The following ERC2 variants were observed in gnomAD, a reference collection of about 807,000 sequenced individuals.
The protein encoded by ERC2 is ERC protein 2.
A neutral mutation model predicts 114.8 loss-of-function variants in ERC2; 42 were observed. The observed-to-expected ratio is 0.37, with a 90% CI of 0.29 to 0.47. ERC2 has a LOEUF of 0.47. Among genes scored for constraint, ERC2 ranks in the 20% least tolerant of loss-of-function variants. The pLI, the probability that ERC2 is intolerant of heterozygous loss-of-function variation, is 0.99. For missense variants in ERC2, 939 were observed against 1,150.7 expected, an observed-to-expected ratio of 0.82 and a Z score of 2.66; for synonymous variants, 454 against 425.5, an observed-to-expected ratio of 1.07 and a Z score of -0.82.
intron 15 of ERC2, among the ~76,000 whole-genome samples, chr3:55,706,875 C>T (rs2063518668): frequency 2.6e-5 from 4 of 152,166 alleles, no homozygotes; most frequent in Admixed American, 2.6e-4. Flanking sequence ...ACAGAACTCT[C>T]ACCTTCCTTA....
chr3:56,214,269 T>C (rs2049292281), intron 3 of ERC2, among the ~76,000 whole-genome samples: 1 of 151,946 alleles, frequency 6.6e-6, no homozygotes, highest in Non-Finnish European at 1.5e-5. Context: ...AATGGATAAC[T>C]AGAATAACCA....
Position 55,779,247 on chromosome 3 carries a change from C to G in ERC2, c.2565-44329G>C, listed in dbSNP as rs966482214. Among the ~76,000 whole-genome samples the G allele has an allele frequency of 2.7e-5, 4 of 148,202 alleles. No individual in the cohort carries two copies. The East Asian group carries it at 6.0e-4, about 22-fold the overall frequency. On this transcript the variant is annotated intron_variant, in intron 14 of 17. Transcript: ENST00000288221. ...CTGTAATCCTAGCACTTTGGGAGGC[C>G]GAGGAGGGTGGATCACTTGAGGTCA...
At chr3:55,931,465 A>C (rs1027344424) in intron 13 of ERC2, among the ~76,000 whole-genome samples, 9 of 152,206 alleles carry the variant, frequency 5.9e-5, no homozygotes, top group African/African-American at 2.2e-4. Context: ...ACATGGATGA[A>C]GCTGGAAACG....
At chr3:56,343,352 A>G (rs1035130615) in intron 2 of ERC2, among the ~76,000 whole-genome samples, 1 of 152,056 alleles carries the variant, frequency 6.6e-6, no homozygotes, top group African/African-American at 2.4e-5. Context: ...CTACACCAAA[A>G]TAAGCACTTA....
At chr3:56,209,866 A>T (rs372670260) in intron 3 of ERC2, among the ~76,000 whole-genome samples, 1 of 152,198 alleles carries the variant, frequency 6.6e-6, no homozygotes, top group Non-Finnish European at 1.5e-5. Flanking sequence ...CACAGCATTC[A>T]GTCCCTTCAG....
intron 16 of ERC2, among the ~76,000 whole-genome samples, chr3:55,688,827 C>T (rs1353332572): frequency 3.3e-5 from 5 of 152,214 alleles, no homozygotes; most frequent in Admixed American, 6.5e-5. Context: ...GCTCAGTTCT[C>T]ACTGTTTTGA....
At chr3:55,680,615 A>G (rs909824382) in intron 17 of ERC2, among the ~76,000 whole-genome samples, 2 of 152,196 alleles carry the variant, frequency 1.3e-5, no homozygotes, top group East Asian at 1.9e-4. Flanking sequence ...CATTTTCACA[A>G]TTGAAAGTAT....
At chr3:56,397,826 T>C (rs2060368475) in intron 2 of ERC2, among the ~76,000 whole-genome samples, 2 of 152,248 alleles carry the variant, frequency 1.3e-5, no homozygotes, top group African/African-American at 4.8e-5. Context: ...CATGTCTTGT[T>C]ACTCCGCCAT....
chr3:55,688,825 C>G (rs1461936233), intron 16 of ERC2, among the ~76,000 whole-genome samples: 1 of 152,172 alleles, frequency 6.6e-6, no homozygotes, highest in Non-Finnish European at 1.5e-5. Context: ...AGGCTCAGTT[C>G]TCACTGTTTT....
chr3:55,535,587 A>C (rs1157153058), intron 17 of ERC2, among the ~76,000 whole-genome samples: 1 of 152,210 alleles, frequency 6.6e-6, no homozygotes, highest in Non-Finnish European at 1.5e-5. Flanking sequence ...GGAGTAAAAT[A>C]GAGGTAAGGC....
chr3:56,093,069 A>C (rs563744472), intron 6 of ERC2, among the ~76,000 whole-genome samples: 1 of 152,174 alleles, frequency 6.6e-6, no homozygotes, highest in East Asian at 1.9e-4. Flanking sequence ...TTTGTAAATG[A>C]CTAACAAATT....
chr3:56,058,815 TC>T (rs2076121490), intron 7 of ERC2, among the ~76,000 whole-genome samples: 1 of 152,184 alleles, frequency 6.6e-6, no homozygotes, highest in Non-Finnish European at 1.5e-5. Context: ...ATTCACAAAG[TC>T]CCCATAATCA....
intron 2 of ERC2, among the ~76,000 whole-genome samples, chr3:56,367,635 A>T (rs1445324436): frequency 1.3e-5 from 2 of 152,146 alleles, no homozygotes; most frequent in South Asian, 2.1e-4. Flanking sequence ...GCAACTATTT[A>T]TAGAAGAATC....
chr3:56,254,586 T>C (rs1466198635), intron 3 of ERC2, among the ~76,000 whole-genome samples: 1 of 152,190 alleles, frequency 6.6e-6, no homozygotes, highest in Non-Finnish European at 1.5e-5. Flanking sequence ...TGCACAATCA[T>C]TCATTCATTC....
At chr3:56,093,936 T>C (rs1294527355) in intron 6 of ERC2, among the ~76,000 whole-genome samples, 5 of 152,166 alleles carry the variant, frequency 3.3e-5, no homozygotes, top group Non-Finnish European at 5.9e-5. Context: ...AAGCAGGGTG[T>C]GTGCCATGAT....
At chr3:55,880,803 G>GA (rs1180155059) in intron 14 of ERC2, among the ~76,000 whole-genome samples, 3 of 147,520 alleles carry the variant, frequency 2.0e-5, no homozygotes, top group South Asian at 2.2e-4. Context: ...AAAAAAAAAA[G>GA]AAAAAAAAGA....
intron 14 of ERC2, among the ~76,000 whole-genome samples, chr3:55,786,072 C>T (rs1303707940): frequency 2.0e-5 from 3 of 151,642 alleles, no homozygotes; most frequent in Admixed American, 6.6e-5. Flanking sequence ...TTTTTCAATT[C>T]GTCATTTGAA....
intron 14 of ERC2, among the ~76,000 whole-genome samples, chr3:55,829,569 G>A (rs753405050): frequency 5.8e-4 from 89 of 152,282 alleles, no homozygotes; most frequent in Admixed American, 2.2e-3. Context: ...CACCTAGAGT[G>A]CAGTGCATAA....
chr3:56,173,505 T>G lies in ERC2; in HGVS notation c.1090A>C (p.Ser364Arg). The G allele has an allele frequency of 1.2e-6, 2 of 1,613,936 alleles. No homozygotes were observed. The highest frequency in any genetic ancestry group is 1.7e-6 in the Non-Finnish European group (2 of 1,179,830). The change falls in exon 4 of 18, where the codon AGC becomes CGC. Residue 364 changes from serine (S) to arginine (R), a missense_variant. By Grantham distance (110) the Ser-to-Arg change is moderately radical (BLOSUM62 -1). This residue lies in a region of ERC2 where 148 missense variants were observed against 159.1 expected (regional missense o/e 0.93). Transcript: ENST00000288221. ...TTGGCTGGCTCCGGCTGAAGTTGGC[T>G]TCTTCGGTGCAATTCCTGGGGAGGA... is the stretch of plus-strand genomic sequence containing the variant. ...IHLREELHRR[S>R]QLQPEPAKTK... is the part of the protein sequence containing the mutation.
Sources: allele counts gnomAD v4.1 joint callset (sites outside exome capture counted in the v4.1 genomes callset), GRCh38; gene constraint gnomAD v4.1.1; regional missense constraint gnomAD v4.1.1; transcripts MANE v1.5; gene names NCBI Gene and HGNC (gene_info 2026-07-23, HGNC 2026-07-21).